The following MYL3 variants were observed in gnomAD, a reference collection of about 807,000 sequenced individuals.
MYL3 encodes CMLC1.
Under a neutral mutation model 21.3 loss-of-function variants are expected in MYL3, and 11 were observed. The ratio of observed to expected loss-of-function variants is 0.52; its 90% CI spans 0.32 to 0.85. The LOEUF (loss-of-function observed/expected upper bound fraction) is 0.85, where lower values mean the gene tolerates loss of function less well. Among genes scored for constraint, MYL3 ranks in the 40% least tolerant of loss-of-function variants. The pLI, the probability that MYL3 is intolerant of heterozygous loss-of-function variation, is 0.03. For synonymous variants in MYL3, 88 were observed against 91.6 expected (o/e 0.96, Z 0.22); for missense variants, 206 against 253.3 (o/e 0.81, Z 1.27).
chr3:46,870,156 C>T (rs1177417268), intron 1 of MYL3, among the ~76,000 whole-genome samples: 1 of 152,100 alleles, frequency 6.6e-6, no homozygotes, highest in Non-Finnish European at 1.5e-5. Flanking sequence ...GACACGTACG[C>T]ATGCACACCA....
chr3:46,877,588 A>T (rs1481320265), intron 1 of MYL3, among the ~76,000 whole-genome samples: 2 of 152,218 alleles, frequency 1.3e-5, no homozygotes, highest in Non-Finnish European at 2.9e-5. Flanking sequence ...GCACACTTGG[A>T]TCTGCCTCTG....
chr3:46,863,449 G>A, upstream of MYL3: 4 of 1,594,136 alleles, frequency 2.5e-6, no homozygotes, highest in Non-Finnish European at 3.4e-6. Context: ...CAGGGTAGGT[G>A]AGCCGCCTCA....
chr3:46,859,718 AATGAGGAGCTATCCC>A lies in MYL3; in HGVS notation c.308-85_308-71del. 1 of 1,541,520 alleles carries A rather than the reference AATGAGGAGCTATCCC, an allele frequency of 6.5e-7. No individual in the cohort carries two copies. Among genetic ancestry groups the A allele is most frequent in the Non-Finnish European group, 9.0e-7 (1 of 1,114,744 alleles). On this transcript the variant is annotated intron_variant, in intron 3 of 6. Transcript: ENST00000292327. The surrounding 1 kb of genome is among the most constrained non-coding windows in gnomAD (Gnocchi z 4.1). Reference sequence around the variant, plus strand: ...GGCACACCCCTCCCCCATGCCTGATAATGAGGAGCTATCCCCACCTCTCACACAGTTCTACAACAG... The same window carrying A: ...GGCACACCCCTCCCCCATGCCTGATACACCTCTCACACAGTTCTACAACAG...
intron 1 of MYL3, among the ~76,000 whole-genome samples, chr3:46,876,454 T>C (rs1022689230): frequency 6.6e-6 from 1 of 152,210 alleles, no homozygotes; most frequent in Admixed American, 6.5e-5. Flanking sequence ...CTTGGAGCAG[T>C]GCACTTCAGA....
At chr3:46,867,595 C>T (rs1009203427), upstream of MYL3, among the ~76,000 whole-genome samples, 1 of 152,220 alleles carries the variant, frequency 6.6e-6, no homozygotes, top group Non-Finnish European at 1.5e-5. Flanking sequence ...GAAACAGGGT[C>T]GGGCTCCCCA....
At chr3:46,865,186 GCCAGCCCGCT>G (rs1487322885), upstream of MYL3, among the ~76,000 whole-genome samples, 1 of 152,178 alleles carries the variant, frequency 6.6e-6, no homozygotes. The surrounding 1 kb of genome is among the most constrained non-coding windows in gnomAD (Gnocchi z 4.3). Context: ...CAGGGCTGGG[GCCAGCCCGCT>G]CCTGACTGGA....
intron 1 of MYL3, among the ~76,000 whole-genome samples, chr3:46,870,997 C>A (rs569660485): frequency 1.3e-5 from 2 of 152,174 alleles, no homozygotes; most frequent in African/African-American, 2.4e-5. Flanking sequence ...CATGTTCACG[C>A]GCCTGTGCAC....
rs933786371 is a variant in MYL3, at chr3:46,874,763, T to C, written c.-218+7311A>G. 1.3e-5 allele frequency among the ~76,000 whole-genome samples: 2 copies of C among 152,066 alleles called. No homozygotes were observed. Among genetic ancestry groups the C allele is most frequent in the Admixed American group, 6.5e-5 (1 of 15,274 alleles). On this transcript the variant is annotated intron_variant, in intron 1 of 3. Transcript: ENST00000431168. This position sits in a 1 kb window ranked among gnomAD's most constrained non-coding sequence, Gnocchi z 4.1. ...CACACACAATAGGGACGCACTAGGC[T>C]TCTGGGGATTTTACAACCACTGGAG...
chr3:46,859,544 G>A lies in MYL3; in HGVS notation c.412C>T (p.Arg138Trp), dbSNP rs1471322504. The A allele has an allele frequency of 6.2e-6, 10 of 1,614,172 alleles. No individual in the cohort carries two copies. The highest frequency in any genetic ancestry group is 2.2e-5 in the South Asian group (2 of 91,086). ...GTYEDFVEGL[R>W]VFDKEGNGTV... ...CCATTGCCCTCCTTGTCGAAGACCCGCAGCCCCTCCACGAAGTCCTCATAG... is the reference window on the plus strand; with the variant it reads ...CCATTGCCCTCCTTGTCGAAGACCCACAGCCCCTCCACGAAGTCCTCATAG... The change falls in exon 4 of 7, where the codon CGG becomes TGG. Residue 138 changes from arginine (R) to tryptophan (W), a missense_variant. Coordinates refer to ENST00000292327, the MANE Select transcript of MYL3 (RefSeq NM_000258.3). This position sits in a 1 kb window ranked among gnomAD's most constrained non-coding sequence, Gnocchi z 4.1.
chr3:46,861,594 AC>A lies in MYL3; in HGVS notation c.130-608del, dbSNP rs764477980. ...CAGCCCCACTATACCTATTTCTCAC[AC>A]ACCCTGTCCGTAGGTCCCTGGGAAG... On this transcript the variant is annotated intron_variant, in intron 1 of 6. Transcript: ENST00000292327. This position sits in a 1 kb window ranked among gnomAD's most constrained non-coding sequence, Gnocchi z 4.2. Among the ~76,000 whole-genome samples, 2 of 152,058 alleles carry A rather than the reference AC, an allele frequency of 1.3e-5. No individual in the cohort carries two copies. The highest frequency in any genetic ancestry group is 2.9e-5 in the Non-Finnish European group (2 of 68,022).
At chr3:46,877,795 A>C (rs2030316871) in intron 1 of MYL3, 1 of 152,266 alleles carries the variant, frequency 6.6e-6, no homozygotes, top group Admixed American at 6.5e-5. Flanking sequence ...GGCCAACTTG[A>C]GTCTGCTCTG....
chr3:46,869,369 C>T (rs1213878739), intron 1 of MYL3, among the ~76,000 whole-genome samples: 1 of 152,174 alleles, frequency 6.6e-6, no homozygotes, highest in Non-Finnish European at 1.5e-5. Context: ...GGAGGGTGTT[C>T]CATGAGCCGG....
chr3:46,870,514 C>T (rs1242023811), intron 1 of MYL3, among the ~76,000 whole-genome samples: 2 of 152,060 alleles, frequency 1.3e-5, no homozygotes, highest in African/African-American at 4.8e-5. Flanking sequence ...ACTCTGCCCC[C>T]GCCAGAACCA....
chr3:46,877,109 C>G (rs2030262149), intron 1 of MYL3, among the ~76,000 whole-genome samples: 1 of 152,122 alleles, frequency 6.6e-6, no homozygotes, highest in African/African-American at 2.4e-5. Flanking sequence ...GACTCCTCAC[C>G]AGGAGCCCAC....
rs575956109 is a variant in MYL3 at position 46,862,867 on chromosome 3, G to A, written c.129+395C>T. ...CCTATCTCATCCACGCTGGGAGCGT[G>A]TATGGACTTGGGACCCCTCAGCTGA... is the stretch of plus-strand genomic sequence containing the variant. On this transcript the variant is annotated intron_variant, in intron 1 of 6. Transcript: ENST00000292327. 5.9e-5 allele frequency among the ~76,000 whole-genome samples: 9 copies of A among 152,356 alleles called. No individual in the cohort carries two copies. The South Asian group carries it at 1.7e-3, about 28-fold the overall frequency.
In MYL3 at chr3:46,861,064, A is replaced by G. The variant is rs113179442; in HGVS notation, c.130-77T>C. 1.5e-5 allele frequency: 23 copies of G among 1,531,050 alleles called. No homozygotes were observed. In the African/African-American group the frequency reaches 2.7e-4, roughly 18 times the overall value. 94.8% of individuals were successfully genotyped at this position (1,531,050 alleles called of 1,614,324 possible). On this transcript the variant is annotated intron_variant, in intron 1 of 6. Transcript: ENST00000292327. The surrounding 1 kb of genome is among the most constrained non-coding windows in gnomAD (Gnocchi z 4.2). ...ACCTCCTCCTGGGCACTCGGTGGCC[A>G]GCCCAGAATGTCAACTGTCTCAGCC...
upstream of MYL3, among the ~76,000 whole-genome samples, chr3:46,863,816 G>C (rs774441333): frequency 3.3e-5 from 5 of 152,184 alleles, no homozygotes; most frequent in Non-Finnish European, 7.3e-5. Flanking sequence ...GCTACGTGTT[G>C]TGTTGGGGCC....
At position 46,861,518 on chromosome 3, in the gene MYL3, C is replaced by T. The variant is rs1293420644; in HGVS notation, c.130-531G>A. Among the ~76,000 whole-genome samples, 2 of 152,164 alleles carry T rather than the reference C, an allele frequency of 1.3e-5. No individual in the cohort carries two copies. The highest frequency in any genetic ancestry group is 4.8e-5 in the African/African-American group (2 of 41,430). Reference sequence around the variant, plus strand: ...TTGTGTGTGAGCATGTGTCTACATACGTCTGCCCTCACAGAGCCCCCTAAG... The same window carrying T: ...TTGTGTGTGAGCATGTGTCTACATATGTCTGCCCTCACAGAGCCCCCTAAG... On this transcript the variant is annotated intron_variant, in intron 1 of 6. Transcript: ENST00000292327. The surrounding 1 kb of genome is among the most constrained non-coding windows in gnomAD (Gnocchi z 4.2).
upstream of MYL3, among the ~76,000 whole-genome samples, chr3:46,867,886 G>A (rs545069728): frequency 3.3e-5 from 5 of 152,340 alleles, no homozygotes; most frequent in South Asian, 4.1e-4. Flanking sequence ...TGAACCCACC[G>A]CTACACACTG....
Sources: gnomAD v4.1 joint callset for allele counts (sites outside exome capture counted in the v4.1 genomes callset) on GRCh38, gnomAD v4.1.1 for gene constraint, Gnocchi (gnomAD v3.1) non-coding constraint, MANE v1.5 for transcripts, NCBI Gene and HGNC (gene_info 2026-07-23, HGNC 2026-07-21) for gene names.